Variants in PPARGC1A observed in about 807,000 individuals in gnomAD.
PPARGC1A encodes the protein peroxisome proliferator-activated receptor gamma coactivator 1-alpha.
Under a neutral mutation model 88.7 loss-of-function variants are expected in PPARGC1A, and 25 were observed. That is an observed-to-expected ratio of 0.28 (90% CI 0.21 to 0.39). The LOEUF (loss-of-function observed/expected upper bound fraction) is 0.39, where lower values mean the gene tolerates loss of function less well. Ranked by LOEUF, PPARGC1A falls within the 10% of genes least tolerant of loss-of-function variation. The pLI, the probability that PPARGC1A is intolerant of heterozygous loss-of-function variation, is 1.00. For missense variants in PPARGC1A, 880 were observed against 968.7 expected (o/e 0.91, Z 1.22); for synonymous variants, 363 against 355.6 (o/e 1.02, Z -0.24).
At chr4:24,131,723 A>G in the PPARGC1A span, among the ~76,000 whole-genome samples, 4 of 152,234 alleles carry the variant, frequency 2.6e-5, no homozygotes, top group Admixed American at 6.5e-5. Flanking sequence ...GGTATTCTAA[A>G]GGTAACCTTG....
chr4:23,923,988 T>C, the PPARGC1A span, among the ~76,000 whole-genome samples: 4 of 152,174 alleles, frequency 2.6e-5, no homozygotes, highest in African/African-American at 7.2e-5. Context: ...TATGGAGAGA[T>C]GCCTTTTCAG....
At chr4:24,388,241 A>G in the PPARGC1A span, among the ~76,000 whole-genome samples, 3 of 152,360 alleles carry the variant, frequency 2.0e-5, no homozygotes, top group African/African-American at 7.2e-5. Flanking sequence ...AAAGCTCATT[A>G]GAGAAATGTA....
chr4:24,042,535 T>G, the PPARGC1A span, among the ~76,000 whole-genome samples: 1 of 152,300 alleles, frequency 6.6e-6, no homozygotes, highest in South Asian at 2.1e-4. Flanking sequence ...CTTATATTCC[T>G]TAAGCCACTG....
intron 10 of PPARGC1A, among the ~76,000 whole-genome samples, chr4:23,805,370 A>G (rs552601023): frequency 1.4e-4 from 22 of 152,232 alleles, no homozygotes; most frequent in African/African-American, 5.3e-4. Flanking sequence ...TCTGAAAATC[A>G]AAGGTAGGAG....
At chr4:23,887,910 G>T (rs1348998580) in intron 1 of PPARGC1A, among the ~76,000 whole-genome samples, 1 of 152,212 alleles carries the variant, frequency 6.6e-6, no homozygotes, top group East Asian at 1.9e-4. Flanking sequence ...CATGTGAATT[G>T]TCTCTATCAA....
At chr4:23,913,267 T>TATATATAGAGAGAGAGAGAG in the PPARGC1A span, among the ~76,000 whole-genome samples, 1 of 77,532 alleles carries the variant, frequency 1.3e-5, no homozygotes, top group African/African-American at 5.6e-5. Flanking sequence ...TATATATATA[T>TATATATAGAGAGAGAGAGAG]AGAGAGAGAG....
the PPARGC1A span, among the ~76,000 whole-genome samples, chr4:24,170,650 T>A: frequency 1.3e-5 from 2 of 151,998 alleles, no homozygotes; most frequent in Non-Finnish European, 2.9e-5. Flanking sequence ...CTGGCTCAAA[T>A]CTCCTTCACT....
chr4:24,188,556 A>G, the PPARGC1A span, among the ~76,000 whole-genome samples: 1 of 152,148 alleles, frequency 6.6e-6, no homozygotes, highest in Admixed American at 6.5e-5. Context: ...TACCTGGATA[A>G]TTCAAGTAAA....
the PPARGC1A span, among the ~76,000 whole-genome samples, chr4:24,070,364 T>G: frequency 6.6e-6 from 1 of 152,160 alleles, no homozygotes; most frequent in Non-Finnish European, 1.5e-5. Context: ...GCCTACACCT[T>G]AGTCATGATG....
intron 2 of PPARGC1A, among the ~76,000 whole-genome samples, chr4:23,864,733 A>T (rs2148728870): frequency 6.6e-6 from 1 of 152,340 alleles, no homozygotes; most frequent in African/African-American, 2.4e-5. Context: ...GAAGTTAGGC[A>T]ACCTGGTGTG....
At chr4:24,250,906 G>A in the PPARGC1A span, among the ~76,000 whole-genome samples, 2 of 152,132 alleles carry the variant, frequency 1.3e-5, no homozygotes, top group South Asian at 2.1e-4. Context: ...AGTCTCCCAT[G>A]GTAGCCCCAA....
the PPARGC1A span, among the ~76,000 whole-genome samples, chr4:24,138,829 A>G: frequency 6.6e-6 from 1 of 152,186 alleles, no homozygotes; most frequent in African/African-American, 2.4e-5. Flanking sequence ...GCATATGAAT[A>G]CATTTCACCC....
the PPARGC1A span, among the ~76,000 whole-genome samples, chr4:24,154,860 T>C: frequency 6.6e-6 from 1 of 152,208 alleles, no homozygotes; most frequent in Non-Finnish European, 1.5e-5. Context: ...TGTCATTGAC[T>C]CTGAAGAGAT....
the PPARGC1A span, among the ~76,000 whole-genome samples, chr4:24,355,019 C>T: frequency 1.3e-5 from 2 of 152,188 alleles, no homozygotes; most frequent in Middle Eastern, 3.4e-3. Context: ...GGTGATCTGC[C>T]GCTAGCCAAG....
chr4:24,354,685 G>A, the PPARGC1A span, among the ~76,000 whole-genome samples: 1 of 152,070 alleles, frequency 6.6e-6, no homozygotes, highest in Non-Finnish European at 1.5e-5. Flanking sequence ...AGGAGATCAA[G>A]ACCATACTGG....
the PPARGC1A span, among the ~76,000 whole-genome samples, chr4:23,966,221 C>T: frequency 1.5e-3 from 221 of 152,240 alleles, 1 homozygote; most frequent in African/African-American, 5.0e-3. Context: ...ATGATATCTC[C>T]CCTGCCTGTT....
the PPARGC1A span, among the ~76,000 whole-genome samples, chr4:24,299,490 A>G: frequency 6.6e-6 from 1 of 152,186 alleles, no homozygotes; most frequent in Non-Finnish European, 1.5e-5. Context: ...GTAATTTGCT[A>G]AATAAAGTAT....
chr4:24,302,200 G>A, the PPARGC1A span, among the ~76,000 whole-genome samples: 1 of 152,154 alleles, frequency 6.6e-6, no homozygotes, highest in East Asian at 1.9e-4. Context: ...TGATGGTTAT[G>A]TTATCTGATG....
At chr4:24,459,362 A>T in the PPARGC1A span, among the ~76,000 whole-genome samples, 3 of 151,956 alleles carry the variant, frequency 2.0e-5, no homozygotes, top group African/African-American at 4.8e-5. Flanking sequence ...TGAGTTAAAG[A>T]TTATTTCTCT....
Sources: gnomAD v4.1 joint callset for allele counts (sites outside exome capture counted in the v4.1 genomes callset) on GRCh38, gnomAD v4.1.1 for gene constraint, MANE v1.5 for transcripts, NCBI Gene and HGNC (gene_info 2026-07-23, HGNC 2026-07-21) for gene names.